The following FSTL4 variants were observed in gnomAD, a reference collection of about 807,000 sequenced individuals.
The protein encoded by FSTL4 is follistatin like 4, also known as follistatin-related protein 4.
In FSTL4, 28 loss-of-function variants were observed where a neutral mutation model predicts 78.2. That is an observed-to-expected ratio of 0.36 (90% confidence interval 0.27 to 0.49). The LOEUF (loss-of-function observed/expected upper bound fraction) is 0.49. Ranked by LOEUF, FSTL4 falls within the 20% of genes least tolerant of loss-of-function variation. The probability of loss-of-function intolerance (pLI) is 0.98; values close to 1 mark genes in which losing one functional copy is unlikely to be tolerated. For synonymous variants in FSTL4, 422 were observed against 440.5 expected, an observed-to-expected ratio of 0.96 and a Z score of 0.53; for missense variants, 922 against 1,084.9, an observed-to-expected ratio of 0.85 and a Z score of 2.11.
At chr5:133,527,072 G>A (rs1353258669) in intron 3 of FSTL4, among the ~76,000 whole-genome samples, 1 of 152,004 alleles carries the variant, frequency 6.6e-6, no homozygotes, top group Non-Finnish European at 1.5e-5. Flanking sequence ...GGTCTGTGTG[G>A]GTATCTCCAA....
intron 3 of FSTL4, among the ~76,000 whole-genome samples, chr5:133,548,727 G>A (rs902185868): frequency 1.3e-5 from 2 of 152,038 alleles, no homozygotes; most frequent in African/African-American, 2.4e-5. Context: ...ATCTAGAACT[G>A]TAAAATATTA....
At chr5:133,538,613 G>A (rs1759403541) in intron 3 of FSTL4, among the ~76,000 whole-genome samples, 2 of 151,878 alleles carry the variant, frequency 1.3e-5, no homozygotes, top group African/African-American at 4.8e-5. Flanking sequence ...ATTCTACCAG[G>A]AAGAGCTTTC....
chr5:133,325,079 A>G (rs1013485456), intron 4 of FSTL4, among the ~76,000 whole-genome samples: 1 of 152,170 alleles, frequency 6.6e-6, no homozygotes, highest in South Asian at 2.1e-4. Flanking sequence ...TTGCTTCTGG[A>G]GAGGAGGAGG....
At chr5:133,566,156 A>G (rs921317626) in intron 3 of FSTL4, among the ~76,000 whole-genome samples, 6 of 152,216 alleles carry the variant, frequency 3.9e-5, no homozygotes, top group Non-Finnish European at 8.8e-5. Context: ...TCCAGATCCT[A>G]TGACCCTAGG....
the FSTL4 span, among the ~76,000 whole-genome samples, chr5:133,828,620 T>G: frequency 1.3e-5 from 2 of 152,200 alleles, no homozygotes; most frequent in African/African-American, 4.8e-5. Context: ...CAATTCTGCA[T>G]CAGGCACTAT....
chr5:133,351,849 C>T (rs534761312), intron 4 of FSTL4, among the ~76,000 whole-genome samples: 1 of 152,114 alleles, frequency 6.6e-6, no homozygotes, highest in Non-Finnish European at 1.5e-5. Flanking sequence ...CTCAGGTGAT[C>T]CACCCACCTT....
At chr5:133,222,841 C>T (rs1169274163) in intron 11 of FSTL4, among the ~76,000 whole-genome samples, 1 of 152,172 alleles carries the variant, frequency 6.6e-6, no homozygotes, top group African/African-American at 2.4e-5. Flanking sequence ...CTTGTGTGTC[C>T]CCTGAGGCCT....
At chr5:133,600,529 T>G (rs1265962869) in intron 2 of FSTL4, among the ~76,000 whole-genome samples, 1 of 152,196 alleles carries the variant, frequency 6.6e-6, no homozygotes. Flanking sequence ...GTTCTGCCAC[T>G]CCACTCTTAT....
intron 3 of FSTL4, among the ~76,000 whole-genome samples, chr5:133,541,253 T>G (rs1046819020): frequency 1.3e-5 from 2 of 152,144 alleles, no homozygotes; most frequent in African/African-American, 4.8e-5. Context: ...TCTCACACAG[T>G]TGTTGTCAGA....
intron 3 of FSTL4, among the ~76,000 whole-genome samples, chr5:133,501,151 A>C: frequency 6.6e-6 from 1 of 152,164 alleles, no homozygotes; most frequent in East Asian, 1.9e-4. Flanking sequence ...CTCCAGCCTG[A>C]GCCTGAGTGT....
chr5:133,768,465 AG>A, the FSTL4 span, among the ~76,000 whole-genome samples: 2 of 152,208 alleles, frequency 1.3e-5, 1 homozygote, highest in South Asian at 4.1e-4. Flanking sequence ...GAGCCAGTGA[AG>A]TAGCCACAAT....
At chr5:133,593,705 G>A (rs1760684591) in intron 2 of FSTL4, among the ~76,000 whole-genome samples, 1 of 152,158 alleles carries the variant, frequency 6.6e-6, no homozygotes, top group East Asian at 1.9e-4. Flanking sequence ...TCTTTATTAA[G>A]ATGTACTTCT....
intron 6 of FSTL4, among the ~76,000 whole-genome samples, chr5:133,274,102 C>T (rs1470316133): frequency 1.3e-5 from 2 of 152,190 alleles, no homozygotes; most frequent in African/African-American, 4.8e-5. Flanking sequence ...ATGGCCAGGG[C>T]GGTGGCTGGG....
At chr5:133,424,233 G>A (rs1187347588) in intron 3 of FSTL4, among the ~76,000 whole-genome samples, 1 of 152,202 alleles carries the variant, frequency 6.6e-6, no homozygotes, top group African/African-American at 2.4e-5. Context: ...AGCGTTTGCT[G>A]AGTGATTCTG....
the FSTL4 span, among the ~76,000 whole-genome samples, chr5:133,802,595 T>C: frequency 3.3e-5 from 5 of 152,136 alleles, no homozygotes; most frequent in South Asian, 1.0e-3. Context: ...ACATGTAAGA[T>C]GATGCTGACC....
At chr5:133,761,409 G>A in the FSTL4 span, among the ~76,000 whole-genome samples, 1 of 152,150 alleles carries the variant, frequency 6.6e-6, no homozygotes, top group East Asian at 1.9e-4. Flanking sequence ...AAATCTCCAA[G>A]CTCCAACCAA....
chr5:133,372,021 C>T (rs1161574464), intron 4 of FSTL4, among the ~76,000 whole-genome samples: 1 of 152,220 alleles, frequency 6.6e-6, no homozygotes, highest in Non-Finnish European at 1.5e-5. Flanking sequence ...AAATCCATGA[C>T]ACTGACAAGC....
intron 3 of FSTL4, among the ~76,000 whole-genome samples, chr5:133,494,554 A>G (rs1214220464): frequency 6.6e-6 from 1 of 152,238 alleles, no homozygotes; most frequent in East Asian, 1.9e-4. Flanking sequence ...CCACCACAGA[A>G]TACACTGAGA....
At position 133,436,858 on chromosome 5, in the gene FSTL4, C is replaced by G. The variant is rs191918720; in HGVS notation, c.161-35872G>C. On this transcript the variant is annotated intron_variant, in intron 3 of 15. Coordinates refer to ENST00000265342, the MANE Select transcript of FSTL4 (RefSeq NM_015082.2). ...GATTCCAGGGGAGCAAGAAAGAATG[C>G]AGGGAGACTGGTTAGGATGTGATTA... Among the ~76,000 whole-genome samples, 4 of 152,198 alleles carry G rather than the reference C, an allele frequency of 2.6e-5. No homozygotes were observed. The East Asian group carries it at 7.7e-4, about 29-fold the overall frequency.
Sources: gnomAD v4.1 joint callset for allele counts (sites outside exome capture counted in the v4.1 genomes callset) on GRCh38, gnomAD v4.1.1 for gene constraint, MANE v1.5 for transcripts, NCBI Gene and HGNC (gene_info 2026-07-23, HGNC 2026-07-21) for gene names.